The following IKBIP variants were observed in gnomAD, a reference collection of about 807,000 sequenced individuals.
IKBIP encodes the protein IKBKB interacting protein, also known as inhibitor of nuclear factor kappa-B kinase-interacting protein.
Under a neutral mutation model 31.0 loss-of-function variants are expected in IKBIP, and 28 were observed. The ratio of observed to expected loss-of-function variants is 0.90; its 90% CI spans 0.67 to 1.24. The LOEUF is 1.24. Among genes scored for constraint, IKBIP ranks in the 50% most tolerant of loss-of-function variants. IKBIP has a pLI of 0.00. For synonymous variants in IKBIP, 164 were observed against 160.3 expected, an observed-to-expected ratio of 1.02 and a Z score of -0.17; for missense variants, 453 against 441.9, an observed-to-expected ratio of 1.03 and a Z score of -0.23.
Position 98,626,847 on chromosome 12 carries a change from A to C in IKBIP, c.298-81T>G, listed in dbSNP as rs923930886. The C allele has an allele frequency of 3.7e-6, 4 of 1,071,058 alleles. No homozygotes were observed. In the East Asian group the frequency reaches 9.5e-5, roughly 26 times the overall value. The allele number at this position is 1,071,058 out of a possible 1,614,324, so 66.3% of individuals were successfully genotyped here. ...GAAACACACTTTAACAATCAGGAGC[A>C]TAACACATGCCACGTTAAAATTCTG... On this transcript the variant is annotated intron_variant, in intron 2 of 2. Transcript: ENST00000299157.
intron 2 of IKBIP, among the ~76,000 whole-genome samples, chr12:98,618,508 C>A (rs913517000): frequency 1.3e-5 from 2 of 151,898 alleles, no homozygotes; most frequent in Admixed American, 1.3e-4. Flanking sequence ...CGCCTGTAGT[C>A]CCAGCTACTC....
At position 98,625,135 on chromosome 12, in the gene IKBIP, C is replaced by A. The variant is rs192786857; in HGVS notation, c.*795G>T. On this transcript the variant is annotated 3_prime_UTR_variant, in exon 3 of 3. Coordinates refer to ENST00000299157, the MANE Select transcript of IKBIP (RefSeq NM_153687.4). The stretch of plus-strand genomic sequence containing the variant: ...AGTAAACCATCTAGAGACCATGGAT[C>A]TAGCAAACTCATGTCTAACACAGTT... The A allele has an allele frequency of 4.1e-6, 4 of 985,284 alleles. No individual in the cohort carries two copies. The East Asian group carries it at 3.4e-4, about 84-fold the overall frequency. 61.0% of individuals were successfully genotyped at this position (985,284 alleles called of 1,614,324 possible).
At position 98,634,303 on chromosome 12, in the gene IKBIP, GA is replaced by G; in HGVS notation, c.289del (p.Ser97GlnfsTer20). The G allele has an allele frequency of 6.7e-7, 1 of 1,484,416 alleles. No homozygotes were observed. 92.0% of individuals were successfully genotyped at this position (1,484,416 alleles called of 1,614,324 possible). A position where few individuals can be genotyped will look rare whatever the true frequency, so the allele number is the denominator to read the frequency against. On this transcript the variant is annotated frameshift_variant, in exon 2 of 3. Transcript: ENST00000299157. LOFTEE classifies it high-confidence loss of function. ...AAGCCAATTAATGATTACCTTTTCT[GA>G]AATTAAACTGATTTTACTTTGAAGT... ...QQLQSKISLI[S>X]EKLESTESIL...
chr12:98,616,518 T>G (rs908607724), intron 2 of IKBIP, among the ~76,000 whole-genome samples: 4 of 152,220 alleles, frequency 2.6e-5, no homozygotes, highest in African/African-American at 9.6e-5. Flanking sequence ...TTTTTGCTTT[T>G]GTTGCTTGTT....
rs536328097 is a variant in IKBIP, at chr12:98,641,172, T to C, written c.179+3351A>G. Among the ~76,000 whole-genome samples the C allele has an allele frequency of 3.9e-5, 6 of 152,302 alleles. 1 individual carries two copies. The highest frequency in any genetic ancestry group is 9.6e-5 in the African/African-American group (4 of 41,572). On this transcript the variant is annotated intron_variant, in intron 1 of 2. Coordinates refer to ENST00000299157, the MANE Select transcript of IKBIP (RefSeq NM_153687.4). Reference sequence around the variant, plus strand: ...AGGAAATGGTCTGAAGACAATGATATAGTGTGATTCCTTGAAATCCTTCTT... The same window carrying C: ...AGGAAATGGTCTGAAGACAATGATACAGTGTGATTCCTTGAAATCCTTCTT...
At chr12:98,623,954 T>C (rs1018970677), downstream of IKBIP, among the ~76,000 whole-genome samples, 11 of 151,210 alleles carry the variant, frequency 7.3e-5, no homozygotes, top group Non-Finnish European at 1.5e-4. Flanking sequence ...AAATACAGGA[T>C]ATATCTATCT....
downstream of IKBIP, among the ~76,000 whole-genome samples, chr12:98,623,998 C>T (rs1433358414): frequency 1.3e-5 from 2 of 151,018 alleles, no homozygotes. Context: ...CGCATATATA[C>T]TTTAATAGTT....
chr12:98,619,228 T>C (rs1055140620), intron 2 of IKBIP, among the ~76,000 whole-genome samples: 2 of 152,238 alleles, frequency 1.3e-5, no homozygotes, highest in Non-Finnish European at 2.9e-5. Context: ...ATAGTGTATT[T>C]GATGAAACAA....
At chr12:98,627,100 C>A (rs938342653) in intron 2 of IKBIP, among the ~76,000 whole-genome samples, 3 of 151,956 alleles carry the variant, frequency 2.0e-5, no homozygotes, top group African/African-American at 7.3e-5. Context: ...TCCTGAGTAG[C>A]TGGGATTACA....
chr12:98,644,325 G>A (rs1411166480), intron 1 of IKBIP, among the ~76,000 whole-genome samples, 198 bp downstream of exon 1: 1 of 152,208 alleles, frequency 6.6e-6, no homozygotes, highest in South Asian at 2.1e-4. Context: ...TACCAGCACG[G>A]GGGGAAATGA....
In IKBIP at chr12:98,644,657, G is replaced by A; in HGVS notation, c.45C>T (p.Ala15=). 3 of 1,610,960 alleles carry A rather than the reference G, an allele frequency of 1.9e-6. No homozygotes were observed. Among genetic ancestry groups the A allele is most frequent in the Non-Finnish European group, 2.5e-6 (3 of 1,179,256 alleles). ...KSRKKSGPKG[A]PAAEPGKRSE... ...TCCGCTTCCCGGGCTCCGCAGCAGG[G>A]GCTCCCTTGGGCCCCGACTTCTTCC... The change falls in exon 1 of 3, where the codon GCC becomes GCT. Residue 15 remains alanine, a synonymous_variant. Transcript: ENST00000299157.
chr12:98,623,611 C>T (rs187733046), downstream of IKBIP, among the ~76,000 whole-genome samples: 443 of 140,282 alleles, frequency 3.2e-3, 12 homozygotes, highest in African/African-American at 0.012. Flanking sequence ...CACTATGTTA[C>T]CCAGGCTGTC....
intron 2 of IKBIP, among the ~76,000 whole-genome samples, chr12:98,628,975 G>T (rs1029310706): frequency 2.6e-5 from 4 of 152,182 alleles, no homozygotes; most frequent in African/African-American, 9.6e-5. Flanking sequence ...AAAGTTAGGA[G>T]GGCAATGCGA....
In IKBIP at chr12:98,627,248, C is replaced by G. The variant is rs555278438; in HGVS notation, c.298-482G>C. Among the ~76,000 whole-genome samples, 4 of 149,006 alleles carry G rather than the reference C, an allele frequency of 2.7e-5. No individual in the cohort carries two copies. In the South Asian group the frequency reaches 8.5e-4, roughly 32 times the overall value. On this transcript the variant is annotated intron_variant, in intron 2 of 2. Transcript: ENST00000299157. Reference sequence around the variant, plus strand: ...CCTCCCAAAGTACTAGAATTACAGGCGAGAGCTGCCGCGCCTGGCCAGCAC... The same window carrying G: ...CCTCCCAAAGTACTAGAATTACAGGGGAGAGCTGCCGCGCCTGGCCAGCAC...
At chr12:98,623,103 C>T (rs534132889), downstream of IKBIP, among the ~76,000 whole-genome samples, 15 of 150,748 alleles carry the variant, frequency 1.0e-4, no homozygotes, top group Non-Finnish European at 1.6e-4. Context: ...CTCAGCCTCC[C>T]GAGTAGCTGG....
At chr12:98,631,216 G>T (rs1271210051) in intron 2 of IKBIP, among the ~76,000 whole-genome samples, 1 of 151,522 alleles carries the variant, frequency 6.6e-6, no homozygotes, top group African/African-American at 2.4e-5. Flanking sequence ...TTACAGGTGT[G>T]AGCCACCACG....
At chr12:98,632,967 T>C (rs998657291) in intron 2 of IKBIP, among the ~76,000 whole-genome samples, 1 of 151,996 alleles carries the variant, frequency 6.6e-6, no homozygotes, top group African/African-American at 2.4e-5. Context: ...TACCAACTCC[T>C]TTGCAGCTCC....
At chr12:98,623,996 T>C (rs2097612069), downstream of IKBIP, among the ~76,000 whole-genome samples, 1 of 151,218 alleles carries the variant, frequency 6.6e-6, no homozygotes, top group South Asian at 2.1e-4. Context: ...AACGCATATA[T>C]ACTTTAATAG....
rs1296953563 is a variant in IKBIP at position 98,644,770 on chromosome 12, T to G, written c.-69A>C. 6 of 1,534,338 alleles carry G rather than the reference T, an allele frequency of 3.9e-6. No individual in the cohort carries two copies. The highest frequency in any genetic ancestry group is 5.3e-6 in the Non-Finnish European group (6 of 1,136,716). On this transcript the variant is annotated 5_prime_UTR_variant, in exon 1 of 3. Transcript: ENST00000299157. Reference sequence around the variant, plus strand: ...CAGGGGGAGCAGGACGTGGCCGCCTTGGCGTTCGTGGGAACCCTGGGCGGT... The same window carrying G: ...CAGGGGGAGCAGGACGTGGCCGCCTGGGCGTTCGTGGGAACCCTGGGCGGT...
Sources: allele counts gnomAD v4.1 joint callset (sites outside exome capture counted in the v4.1 genomes callset), GRCh38; gene constraint gnomAD v4.1.1; transcripts MANE v1.5; gene names NCBI Gene and HGNC (gene_info 2026-07-23, HGNC 2026-07-21).